The following OR6C3 variants were observed in gnomAD, a reference collection of about 807,000 sequenced individuals.
The protein encoded by OR6C3 is olfactory receptor family 6 subfamily C member 3, also known as olfactory receptor 6C3.
For missense variants in OR6C3, 487 were observed against 364.6 expected (o/e 1.34, Z -2.73); for synonymous variants, 177 against 137.4 (o/e 1.29, Z -2.02).
Position 55,331,926 on chromosome 12 carries a change from C to T in OR6C3, c.226C>T (p.Pro76Ser), listed in dbSNP as rs776993998. The T allele has an allele frequency of 2.5e-6, 4 of 1,614,046 alleles. No homozygotes were observed. Among genetic ancestry groups the T allele is most frequent in the Non-Finnish European group, 2.5e-6 (3 of 1,179,970 alleles). The change falls in exon 2 of 2, where the codon CCC becomes TCC. Residue 76 changes from proline to serine, a missense_variant. Transcript: ENST00000641740. Reference protein sequence around the residue: ...LEISFTTVCIPRFLGAIITRN... With the variant: ...LEISFTTVCISRFLGAIITRN... ...AATCTCATTTACAACCGTATGCATC[C>T]CCAGATTTCTGGGGGCAATTATCAC... is the stretch of plus-strand genomic sequence containing the variant.
upstream of OR6C3, chr12:55,330,688 C>A (rs1333372797): frequency 6.6e-6 from 1 of 152,088 alleles, no homozygotes; most frequent in Non-Finnish European, 1.5e-5. Context: ...GAAGAATGGT[C>A]TTATGTGGGA....
At position 55,332,629 on chromosome 12, in the gene OR6C3, A is replaced by T; in HGVS notation, c.929A>T (p.Asn310Ile). 6.4e-7 allele frequency: 1 copy of T among 1,561,846 alleles called. No individual in the cohort carries two copies. Among genetic ancestry groups the T allele is most frequent in the Non-Finnish European group, 8.6e-7 (1 of 1,161,966 alleles). ...GTCCACAAAGTTGTGTTTTATGCAA[A>T]TCAATGAATTTTTGGTCAAAAATAA... ...NVVHKVVFYA[N>I]Q The change falls in exon 2 of 2, where the codon AAT becomes ATT. Residue 310 changes from asparagine (N) to isoleucine (I), a missense_variant. By Grantham distance (149) the Asn-to-Ile change is moderately radical. Transcript: ENST00000641740.
At chr12:55,330,617 TG>T (rs1166334578), upstream of OR6C3, 1 of 152,156 alleles carries the variant, frequency 6.6e-6, no homozygotes, top group Non-Finnish European at 1.5e-5. Context: ...TAGGTTAGAA[TG>T]AATGTGAGAG....
intron 1 of OR6C3, among the ~76,000 whole-genome samples, chr12:55,331,441 C>A (rs567079032): frequency 2.0e-5 from 3 of 151,686 alleles, no homozygotes; most frequent in Admixed American, 2.0e-4. Flanking sequence ...GGCTTATTGT[C>A]TGAAGATATC....
chr12:55,331,837 C>T lies in OR6C3; in HGVS notation c.137C>T (p.Thr46Ile). Reference sequence around the variant, plus strand: ...GGAAACCTGACTATCATCACCCTAACCTTTGTGGACTCCCATCTGCAGACA... The same window carrying T: ...GGAAACCTGACTATCATCACCCTAATCTTTGTGGACTCCCATCTGCAGACA... ...VTGNLTIITLTFVDSHLQTPM... is the reference protein window; with the variant it reads ...VTGNLTIITLIFVDSHLQTPM... Residue 46 changes from threonine to isoleucine, a missense_variant, in exon 2 of 2, where the codon ACC becomes ATC. Coordinates refer to ENST00000641740, the MANE Select transcript of OR6C3 (RefSeq NM_001388498.1). 3.7e-6 allele frequency: 6 copies of T among 1,613,972 alleles called. No individual in the cohort carries two copies. The highest frequency in any genetic ancestry group is 5.1e-6 in the Non-Finnish European group (6 of 1,179,888).
At chr12:55,330,711 G>A (rs1345286203), upstream of OR6C3, 4 of 152,190 alleles carry the variant, frequency 2.6e-5, no homozygotes, top group Non-Finnish European at 5.9e-5. Flanking sequence ...AAATTTACTA[G>A]GAAATAAAAC....
chr12:55,330,518 T>C (rs4759138), upstream of OR6C3, among the ~76,000 whole-genome samples: 28,649 of 152,054 alleles, frequency 0.19, 3,144 homozygotes, highest in African/African-American at 0.3. Flanking sequence ...CAATCTAAAA[T>C]ATGGAGGAGA....
In OR6C3 at chr12:55,331,520, A is replaced by G. The variant is rs555895951; in HGVS notation, c.-44-137A>G. The G allele has an allele frequency of 2.2e-5, 11 of 502,126 alleles. No homozygotes were observed. In the East Asian group the frequency reaches 3.0e-4, roughly 14 times the overall value. 31.1% of individuals were successfully genotyped at this position (502,126 alleles called of 1,614,324 possible). On this transcript the variant is annotated intron_variant, in intron 1 of 1. Coordinates refer to ENST00000641740, the MANE Select transcript of OR6C3 (RefSeq NM_001388498.1). ...TGGACTTAGAAAAAAATATTAAAAC[A>G]TAATGCAAACAAGATAGTCAAAACT...
At position 55,331,777 on chromosome 12, in the gene OR6C3, T is replaced by C. The variant is rs1868858819; in HGVS notation, c.77T>C (p.Leu26Pro). ...CCTGACCTTCAGATTGTGATTTTTC[T>C]CTTTTTATTTATCACGTATATATTA... Reference protein sequence around the residue: ...DDPDLQIVIFLFLFITYILSV... With the variant: ...DDPDLQIVIFPFLFITYILSV... The change falls in exon 2 of 2, where the codon CTC becomes CCC. Residue 26 changes from leucine (L) to proline (P), a missense_variant. Transcript: ENST00000641740. 1 of 1,613,928 alleles carries C rather than the reference T, an allele frequency of 6.2e-7. No homozygotes were observed. Among genetic ancestry groups the C allele is most frequent in the Non-Finnish European group, 8.5e-7 (1 of 1,179,810 alleles).
In OR6C3 at chr12:55,332,483, A is replaced by T; in HGVS notation, c.783A>T (p.Ala261=). The T allele has an allele frequency of 6.2e-7, 1 of 1,614,076 alleles. No homozygotes were observed. The highest frequency in any genetic ancestry group is 8.5e-7 in the Non-Finnish European group (1 of 1,179,980). The change falls in exon 2 of 2, where the codon GCA becomes GCT. Residue 261 remains alanine, a synonymous_variant. Coordinates refer to ENST00000641740, the MANE Select transcript of OR6C3 (RefSeq NM_001388498.1). ...SCIFMYANPS[A]KEKASLTKGI... ...TATTCATGTATGCTAATCCATCTGC[A>T]AAAGAAAAGGCATCATTGACAAAAG...
rs149290147 is a variant in OR6C3 at position 55,332,402 on chromosome 12, T to C, written c.702T>C (p.Ala234=). Residue 234 remains alanine, a synonymous_variant, in exon 2 of 2, where the codon GCT becomes GCC. Transcript: ENST00000641740. ...RIPSASQRKK[A]FSTCSSHMIV... ...CGTCTGCCAGTCAAAGAAAAAAGGC[T>C]TTCTCCACTTGTTCTTCTCACATGA... 24 of 1,614,096 alleles carry C rather than the reference T, an allele frequency of 1.5e-5. No individual in the cohort carries two copies. The highest frequency in any genetic ancestry group is 1.9e-5 in the Non-Finnish European group (23 of 1,179,958).
In OR6C3 at chr12:55,332,387, T is replaced by G. The variant is rs146975546; in HGVS notation, c.687T>G (p.Ser229Arg). Residue 229 changes from serine to arginine, a missense_variant, in exon 2 of 2, where the codon AGT becomes AGG. By Grantham distance (110) the Ser-to-Arg change is moderately radical. Transcript: ENST00000641740. The part of the protein sequence containing the change: ...IRTILRIPSA[S>R]QRKKAFSTCS... ...CCATTTTGAGAATCCCGTCTGCCAG[T>G]CAAAGAAAAAAGGCTTTCTCCACTT... 6.2e-7 allele frequency: 1 copy of G among 1,614,064 alleles called. No individual in the cohort carries two copies. Among genetic ancestry groups the G allele is most frequent in the Non-Finnish European group, 8.5e-7 (1 of 1,179,986 alleles).
chr12:55,332,228 T>G lies in OR6C3; in HGVS notation c.528T>G (p.Cys176Trp). 6.2e-7 allele frequency: 1 copy of G among 1,614,182 alleles called. No individual in the cohort carries two copies. The highest frequency in any genetic ancestry group is 8.5e-7 in the Non-Finnish European group (1 of 1,180,034). ...CASNVIDHFA[C>W]DYFPLLQLSC... ...CCAACGTCATTGATCACTTTGCATG[T>G]GACTATTTTCCCCTCTTACAACTAT... Residue 176 changes from cysteine (C) to tryptophan (W), a missense_variant, in exon 2 of 2, where the codon TGT becomes TGG. Cys to Trp is a radical substitution (Grantham distance 215, BLOSUM62 -2). Transcript: ENST00000641740.
Position 55,332,078 on chromosome 12 carries a change from C to A in OR6C3, c.378C>A (p.Pro126=). The A allele has an allele frequency of 6.2e-7, 1 of 1,614,116 alleles. No homozygotes were observed. Among genetic ancestry groups the A allele is most frequent in the Non-Finnish European group, 8.5e-7 (1 of 1,180,012 alleles). The change falls in exon 2 of 2, where the codon CCC becomes CCA. Residue 126 remains proline, a synonymous_variant. Transcript: ENST00000641740. The part of the protein sequence containing the change: ...SYDRYVAICK[P]LHYTSIMNRK... ...ACCGCTATGTTGCCATCTGCAAGCCCCTTCATTACACATCCATCATGAACA... is the reference window on the plus strand; with the variant it reads ...ACCGCTATGTTGCCATCTGCAAGCCACTTCATTACACATCCATCATGAACA...
chr12:55,332,332 T>C lies in OR6C3; in HGVS notation c.632T>C (p.Val211Ala), dbSNP rs1868890468. The C allele has an allele frequency of 6.2e-7, 1 of 1,614,144 alleles. No individual in the cohort carries two copies. The highest frequency in any genetic ancestry group is 1.7e-5 in the Admixed American group (1 of 60,014). ...LVTLLFTLAL[V>A]ILSYMYIIRT... Reference sequence around the variant, plus strand: ...ACTTTGCTGTTCACTTTGGCATTAGTGATTTTATCTTACATGTACATTATC... The same window carrying C: ...ACTTTGCTGTTCACTTTGGCATTAGCGATTTTATCTTACATGTACATTATC... Residue 211 changes from valine (V) to alanine (A), a missense_variant, in exon 2 of 2, where the codon GTG becomes GCG. By Grantham distance (64) the Val-to-Ala change is moderately conservative. Transcript: ENST00000641740.
chr12:55,332,517 A>G lies in OR6C3; in HGVS notation c.817A>G (p.Ile273Val), dbSNP rs1868900878. 2 of 1,613,734 alleles carry G rather than the reference A, an allele frequency of 1.2e-6. No homozygotes were observed. The highest frequency in any genetic ancestry group is 8.5e-7 in the Non-Finnish European group (1 of 1,179,780). Residue 273 changes from isoleucine to valine, a missense_variant, in exon 2 of 2, where the codon ATT (isoleucine) becomes GTT (valine). Ile to Val is a conservative substitution (Grantham distance 29). Transcript: ENST00000641740. ...GGCATCATTGACAAAAGGAATAGCT[A>G]TTCTCAATACATCTGTTGCCCCCAT... ...EKASLTKGIAILNTSVAPMLN... is the reference protein window; with the variant it reads ...EKASLTKGIAVLNTSVAPMLN...
In OR6C3 at chr12:55,331,944, A is replaced by G; in HGVS notation, c.244A>G (p.Ile82Val). 3 of 1,614,132 alleles carry G rather than the reference A, an allele frequency of 1.9e-6. No homozygotes were observed. Among genetic ancestry groups the G allele is most frequent in the Non-Finnish European group, 2.5e-6 (3 of 1,180,004 alleles). The change falls in exon 2 of 2, where the codon ATT (isoleucine) becomes GTT (valine). Residue 82 changes from isoleucine (I) to valine (V), a missense_variant. Coordinates refer to ENST00000641740, the MANE Select transcript of OR6C3 (RefSeq NM_001388498.1). ...ATGCATCCCCAGATTTCTGGGGGCA[A>G]TTATCACCAGGAATAAGACTATTTC... ...TVCIPRFLGA[I>V]ITRNKTISYN...
At position 55,331,994 on chromosome 12, in the gene OR6C3, C is replaced by G; in HGVS notation, c.294C>G (p.Leu98=). Residue 98 remains leucine (L), a synonymous_variant, in exon 2 of 2, where the codon CTC becomes CTG. Transcript: ENST00000641740. The stretch of plus-strand genomic sequence containing the variant: ...CCTATAACAACTGTGCAGCCCAACT[C>G]TTTTTCTTTATCTTCATGGGGGTGA... ...TISYNNCAAQ[L]FFFIFMGVTE... 1 of 1,614,146 alleles carries G rather than the reference C, an allele frequency of 6.2e-7. No homozygotes were observed.
In OR6C3 at chr12:55,332,201, T is replaced by C. The variant is rs749860920; in HGVS notation, c.501T>C (p.Ala167=). ...TTCTCCTCCAGCTGGATTACTGTGC[T>C]TCCAACGTCATTGATCACTTTGCAT... ...LMLLLQLDYC[A]SNVIDHFACD... The change falls in exon 2 of 2, where the codon GCT becomes GCC. Residue 167 remains alanine, a synonymous_variant. Transcript: ENST00000641740. 4.4e-5 allele frequency: 71 copies of C among 1,614,040 alleles called. No homozygotes were observed. Among genetic ancestry groups the C allele is most frequent in the Admixed American group, 3.8e-4 (23 of 59,994 alleles).
Sources: gnomAD v4.1 joint callset for allele counts (sites outside exome capture counted in the v4.1 genomes callset) on GRCh38, gnomAD v4.1.1 for gene constraint, MANE v1.5 for transcripts, NCBI Gene and HGNC (gene_info 2026-07-23, HGNC 2026-07-21) for gene names.